The following PRKG1 variants were observed in gnomAD, a reference collection of about 807,000 sequenced individuals.
PRKG1 encodes protein kinase cGMP-dependent 1, also known as cGMP-dependent protein kinase 1.
In PRKG1, 35 loss-of-function variants were observed where a neutral mutation model predicts 88.1. The ratio of observed to expected loss-of-function variants is 0.40; its 90% CI spans 0.30 to 0.53. The LOEUF (loss-of-function observed/expected upper bound fraction) is 0.53, where lower values mean the gene tolerates loss of function less well. Ranked by LOEUF, PRKG1 falls within the 20% of genes least tolerant of loss-of-function variation. PRKG1 has a pLI of 0.59. For synonymous variants in PRKG1, 303 were observed against 292.5 expected (o/e 1.04, Z -0.37); for missense variants, 540 against 839.8 (o/e 0.64, Z 4.41).
At chr10:51,929,443 C>T (rs1478817428) in intron 5 of PRKG1, among the ~76,000 whole-genome samples, 1 of 151,206 alleles carries the variant, frequency 6.6e-6, no homozygotes, top group African/African-American at 2.4e-5. Context: ...CTCCACCTCC[C>T]GGATTCAAGC....
chr10:51,212,644 A>C (rs535021800), intron 2 of PRKG1, among the ~76,000 whole-genome samples: 122 of 152,354 alleles, frequency 8.0e-4, no homozygotes, highest in African/African-American at 2.9e-3. Flanking sequence ...ACCCCATCAA[A>C]AAGTGGGCAA....
At chr10:51,097,124 G>A (rs536056571) in intron 1 of PRKG1, among the ~76,000 whole-genome samples, 28 of 152,292 alleles carry the variant, frequency 1.8e-4, no homozygotes, top group African/African-American at 5.5e-4. Flanking sequence ...ATCCTGCCAT[G>A]GGTGCATATA....
chr10:51,151,639 T>A (rs1307340682), intron 1 of PRKG1, among the ~76,000 whole-genome samples: 2 of 151,886 alleles, frequency 1.3e-5, no homozygotes, highest in Non-Finnish European at 2.9e-5. Flanking sequence ...TCCTGCATTT[T>A]CACTTAAAAA....
At position 51,574,368 on chromosome 10, in the gene PRKG1, G is replaced by A. The variant is rs949721127; in HGVS notation, c.592+106532G>A. Among the ~76,000 whole-genome samples, 8 of 151,826 alleles carry A rather than the reference G, an allele frequency of 5.3e-5. No homozygotes were observed. The Admixed American group carries it at 5.3e-4, about 10-fold the overall frequency. On this transcript the variant is annotated intron_variant, in intron 3 of 17. Coordinates refer to ENST00000373980, the MANE Select transcript of PRKG1 (RefSeq NM_006258.4). ...AAGGGGAGGGTTGCATGATTGCTAT[G>A]TTCTTTTCTGGTTATCATTTTAAAA... is the stretch of plus-strand genomic sequence containing the variant.
At chr10:52,090,232 A>G (rs1002697816) in intron 7 of PRKG1, among the ~76,000 whole-genome samples, 20 of 152,136 alleles carry the variant, frequency 1.3e-4, no homozygotes, top group Admixed American at 1.1e-3. Context: ...TTGTAGTGCT[A>G]GAAAGGAAGG....
At chr10:51,756,649 A>G (rs1189733813) in intron 3 of PRKG1, among the ~76,000 whole-genome samples, 1 of 151,868 alleles carries the variant, frequency 6.6e-6, no homozygotes, top group Non-Finnish European at 1.5e-5. Flanking sequence ...CCCCATCTCT[A>G]CTAAAATACA....
At chr10:51,582,784 TAGAC>T (rs1423436417) in intron 3 of PRKG1, among the ~76,000 whole-genome samples, 3 of 152,156 alleles carry the variant, frequency 2.0e-5, no homozygotes, top group African/African-American at 7.2e-5. Context: ...TGTGAACCAT[TAGAC>T]AGAGAAACCG....
At chr10:52,183,246 C>T (rs907173686) in intron 9 of PRKG1, among the ~76,000 whole-genome samples, 7 of 152,206 alleles carry the variant, frequency 4.6e-5, no homozygotes, top group Non-Finnish European at 8.8e-5. Context: ...GGGCAGCCCA[C>T]GGGCTGTTTC....
At chr10:51,088,456 G>T (rs1021036932) in intron 1 of PRKG1, among the ~76,000 whole-genome samples, 1 of 147,564 alleles carries the variant, frequency 6.8e-6, no homozygotes, top group African/African-American at 2.5e-5. Flanking sequence ...TATAGGGTAA[G>T]ACTATAGTAT....
intron 3 of PRKG1, among the ~76,000 whole-genome samples, chr10:51,481,939 CATG>C (rs1233145344): frequency 1.3e-5 from 2 of 152,052 alleles, no homozygotes; most frequent in Non-Finnish European, 2.9e-5. Flanking sequence ...TATATATCAC[CATG>C]ATAATTTTTT....
In PRKG1 at chr10:51,639,436, C is replaced by CAA. The variant is rs769304908; in HGVS notation, c.593-165108_593-165107dup. 2.8e-4 allele frequency among the ~76,000 whole-genome samples: 9 copies of CAA among 31,796 alleles called. 1 individual carries two copies. The highest frequency in any genetic ancestry group is 5.5e-4 in the African/African-American group (3 of 5,410). 20.9% of individuals were successfully genotyped at this position (31,796 alleles called of 152,430 possible). A position where few individuals can be genotyped will look rare whatever the true frequency, so the allele number is the denominator to read the frequency against. ...GCGGCGACAGAGCCAGACTCCATCTCAAAAAAAAAAAAAAAAAAAAAAAAA... is the reference window on the plus strand; with the variant it reads ...GCGGCGACAGAGCCAGACTCCATCTCAAAAAAAAAAAAAAAAAAAAAAAAAAA... On this transcript the variant is annotated intron_variant, in intron 3 of 17. Coordinates refer to ENST00000373980, the MANE Select transcript of PRKG1 (RefSeq NM_006258.4).
intron 1 of PRKG1, among the ~76,000 whole-genome samples, chr10:51,143,874 A>G (rs556220662): frequency 8.6e-5 from 13 of 151,638 alleles, no homozygotes; most frequent in Admixed American, 7.2e-4. Context: ...TGGGTATTAA[A>G]CCCTGGTCAT....
chr10:51,694,311 C>A (rs10437378), intron 3 of PRKG1, among the ~76,000 whole-genome samples: 7,232 of 152,218 alleles, frequency 0.048, 589 homozygotes, highest in African/African-American at 0.17. Context: ...AATGTCCCAT[C>A]ACAGCATGGA....
intron 4 of PRKG1, among the ~76,000 whole-genome samples, chr10:51,838,398 G>T (rs1360632765): frequency 6.6e-6 from 1 of 152,100 alleles, no homozygotes; most frequent in Non-Finnish European, 1.5e-5. Flanking sequence ...ACATTTAAAA[G>T]CCATAGAGAA....
chr10:51,476,516 C>T (rs952647015), intron 3 of PRKG1, among the ~76,000 whole-genome samples: 3 of 151,992 alleles, frequency 2.0e-5, no homozygotes, highest in South Asian at 2.1e-4. Flanking sequence ...AAGAGCAATA[C>T]TTTATTGACC....
chr10:52,128,501 G>T (rs1837163390), intron 7 of PRKG1: 6 of 985,360 alleles, frequency 6.1e-6, no homozygotes, highest in Middle Eastern at 5.2e-4. Context: ...GGGATACAGC[G>T]ATGATGAAGA....
chr10:51,654,379 A>G (rs1840112478), intron 3 of PRKG1, among the ~76,000 whole-genome samples: 1 of 152,054 alleles, frequency 6.6e-6, no homozygotes, highest in South Asian at 2.1e-4. Context: ...TATTCCTTTC[A>G]TCTATGTTCT....
rs145135330 is a variant in PRKG1 at position 51,685,354 on chromosome 10, G to A, written c.593-119231G>A. Among the ~76,000 whole-genome samples, 1,200 of 152,240 alleles carry A rather than the reference G, an allele frequency of 7.9e-3. 13 individuals carry two copies. The highest frequency in any genetic ancestry group is 0.02 in the Middle Eastern group (6 of 294). On this transcript the variant is annotated intron_variant, in intron 3 of 17. Transcript: ENST00000373980. ...CTGCGTGTCAAATGCCTGGCATTTC[G>A]TAGGTTCTCAATACATGCTGTTTGT...
At chr10:51,661,438 C>G (rs1365618682) in intron 3 of PRKG1, among the ~76,000 whole-genome samples, 1 of 152,108 alleles carries the variant, frequency 6.6e-6, no homozygotes, top group Non-Finnish European at 1.5e-5. Flanking sequence ...AGACACTTCT[C>G]AAAAGAAGAC....
Sources: gnomAD v4.1 joint callset for allele counts (sites outside exome capture counted in the v4.1 genomes callset) on GRCh38, gnomAD v4.1.1 for gene constraint, MANE v1.5 for transcripts, NCBI Gene and HGNC (gene_info 2026-07-23, HGNC 2026-07-21) for gene names.